The following MED19 variants were observed in gnomAD, a reference collection of about 807,000 sequenced individuals.
MED19 encodes mediator complex subunit 19, also known as mediator of RNA polymerase II transcription subunit 19.
Under a neutral mutation model 19.9 loss-of-function variants are expected in MED19, and 4 were observed. That is an observed-to-expected ratio of 0.20 (90% confidence interval 0.10 to 0.46). The LOEUF (loss-of-function observed/expected upper bound fraction) is 0.46, where lower values mean the gene tolerates loss of function less well. Among genes scored for constraint, MED19 ranks in the 20% least tolerant of loss-of-function variants. The pLI is 0.99. For missense variants in MED19, 303 were observed against 318.7 expected, an observed-to-expected ratio of 0.95 and a Z score of 0.38; for synonymous variants, 139 against 119.6, an observed-to-expected ratio of 1.16 and a Z score of -1.06.
rs34198151 is a variant in MED19, at chr11:57,704,669, G to GTTTTTTTTTTTTTTTTTTTTTTTTTTT, written c.571+49_571+50insAAAAAAAAAAAAAAAAAAAAAAAAAAA. On this transcript the variant is annotated intron_variant, in intron 3 of 4. Coordinates refer to ENST00000431606, the Ensembl canonical transcript of MED19. ...GTTCAAACCAGATTCAGAAGGTCAG[G>GTTTTTTTTTTTTTTTTTTTTTTTTTTT]TTTTTTTTTTTTTTTTTTTTTTTTT... The GTTTTTTTTTTTTTTTTTTTTTTTTTTT allele has an allele frequency of 1.9e-5, 24 of 1,287,744 alleles. 2 individuals carry two copies. The highest frequency in any genetic ancestry group is 8.2e-5 in the African/African-American group (4 of 48,548). The allele number at this position is 1,287,744 out of a possible 1,614,324, so 79.8% of individuals were successfully genotyped here. A position where few individuals can be genotyped will look rare whatever the true frequency, so the allele number is the denominator to read the frequency against.
chr11:57,711,495 A>G lies in MED19; in HGVS notation c.217+468T>C, dbSNP rs575489330. The stretch of plus-strand genomic sequence containing the variant: ...CAGCCTCCCGAGTAGCTGGAATTAA[A>G]GGTATACGCCACCACGCCCAGGTAA... On this transcript the variant is annotated intron_variant, in intron 1 of 4. Transcript: ENST00000431606. Among the ~76,000 whole-genome samples, 6 of 152,288 alleles carry G rather than the reference A, an allele frequency of 3.9e-5. No homozygotes were observed. The East Asian group carries it at 7.7e-4, about 20-fold the overall frequency.
At chr11:57,711,833 A>ATTTAGGG in intron 1 of MED19, 130 bp downstream of exon 1, 1 of 1,026,672 alleles carries the variant, frequency 9.7e-7, no homozygotes, top group Non-Finnish European at 1.3e-6. Flanking sequence ...AGCGCTTCCG[A>ATTTAGGG]CTTAGGGCTC....
chr11:57,708,318 T>A (rs1404547779), intron 1 of MED19, among the ~76,000 whole-genome samples: 2 of 152,156 alleles, frequency 1.3e-5, no homozygotes, highest in Non-Finnish European at 2.9e-5. Flanking sequence ...TGACTGGCAC[T>A]CAAGGCTAAT....
At chr11:57,704,542 C>G (rs1477900656) in intron 3 of MED19, 146 bp from the exon 4 acceptor site, 1 of 1,584,774 alleles carries the variant, frequency 6.3e-7, no homozygotes, top group Non-Finnish European at 8.5e-7. Flanking sequence ...TGCTAGAGTC[C>G]CTGTCCCAAG....
At chr11:57,705,128 T>C (rs143968648) in exon 2 of MED19, 2 of 1,614,188 alleles carry the variant, frequency 1.2e-6, no homozygotes, top group African/African-American at 2.7e-5. Context: ...GGCAGGAAGT[T>C]ACTTAGCTTC....
At chr11:57,704,522 A>G in intron 3 of MED19, 126 bp from the exon 4 acceptor site, 1 of 1,584,256 alleles carries the variant, frequency 6.3e-7, no homozygotes, top group South Asian at 1.2e-5. Flanking sequence ...CAGAAAGGAT[A>G]CAGAGGTGCT....
At chr11:57,711,375 G>C (rs894157625) in intron 1 of MED19, among the ~76,000 whole-genome samples, 18 of 152,122 alleles carry the variant, frequency 1.2e-4, no homozygotes, top group Admixed American at 1.1e-3. Flanking sequence ...TGTTTGTTTT[G>C]AGACGGAGTC....
rs1590878447 is a variant in MED19, at chr11:57,704,967, A to C, written c.474+6T>G. On this transcript the variant is annotated splice_donor_region_variant and intron_variant, in intron 2 of 4. Coordinates refer to ENST00000431606, the Ensembl canonical transcript of MED19. ...CCATTTGCCTTCTTCCTCCAACAGG[A>C]CTCACCGGGCCAGTGTGGAGGCGGA... is the stretch of plus-strand genomic sequence containing the variant. 6.2e-7 allele frequency: 1 copy of C among 1,611,534 alleles called. No individual in the cohort carries two copies. The highest frequency in any genetic ancestry group is 8.5e-7 in the Non-Finnish European group (1 of 1,178,718).
Position 57,704,297 on chromosome 11 carries a change from T to G in MED19, c.666+5A>C. 1 of 1,534,448 alleles carries G rather than the reference T, an allele frequency of 6.5e-7. No individual in the cohort carries two copies. Among genetic ancestry groups the G allele is most frequent in the Non-Finnish European group, 8.7e-7 (1 of 1,146,556 alleles). The stretch of plus-strand genomic sequence containing the variant: ...CTGGGTTGTGGCAATAGGCCTCTAC[T>G]CTACCTTCTTTTTCTTCTTCTCTTT... On this transcript the variant is annotated splice_donor_5th_base_variant and intron_variant, in intron 4 of 4. Transcript: ENST00000431606.
chr11:57,706,914 C>T (rs186088197), intron 1 of MED19, among the ~76,000 whole-genome samples: 8 of 152,054 alleles, frequency 5.3e-5, no homozygotes, highest in African/African-American at 1.7e-4. Context: ...CATAAAGTAT[C>T]AGGCTTGGCA....
chr11:57,706,028 T>C (rs1946504617), intron 1 of MED19, among the ~76,000 whole-genome samples: 1 of 151,750 alleles, frequency 6.6e-6, no homozygotes, highest in Non-Finnish European at 1.5e-5. Context: ...GAAACACTAA[T>C]CACCTTTACA....
chr11:57,709,520 A>G (rs1192412204), intron 1 of MED19, among the ~76,000 whole-genome samples: 2 of 152,186 alleles, frequency 1.3e-5, no homozygotes, highest in Non-Finnish European at 2.9e-5. Context: ...GAAAACTTAA[A>G]AAGGCATCAA....
chr11:57,705,331 A>T, intron 1 of MED19, 102 bp from the exon 2 acceptor site: 1 of 1,301,702 alleles, frequency 7.7e-7, no homozygotes, highest in Non-Finnish European at 1.0e-6. Flanking sequence ...TTAAGTGCAG[A>T]TTTTAAAATT....
exon 2 of MED19, chr11:57,705,207 G>C (rs1204262090): frequency 3.7e-6 from 6 of 1,613,988 alleles, no homozygotes; most frequent in African/African-American, 1.3e-5. Flanking sequence ...TCAGATTCGT[G>C]CTGCCTGTCA....
chr11:57,707,197 C>CAAA (rs754457524), intron 1 of MED19, among the ~76,000 whole-genome samples: 9 of 57,912 alleles, frequency 1.6e-4, no homozygotes, highest in Admixed American at 3.9e-4. Context: ...GATTCCATCT[C>CAAA]AAAAAAAAAA....
At chr11:57,710,046 T>G (rs1355220778) in intron 1 of MED19, among the ~76,000 whole-genome samples, 1 of 152,230 alleles carries the variant, frequency 6.6e-6, no homozygotes, top group Non-Finnish European at 1.5e-5. Flanking sequence ...ACAAGTGCAT[T>G]TGACCAACTT....
At chr11:57,709,503 T>A (rs986348787) in intron 1 of MED19, among the ~76,000 whole-genome samples, 5 of 152,158 alleles carry the variant, frequency 3.3e-5, no homozygotes, top group African/African-American at 1.2e-4. Flanking sequence ...ACCCAATTAT[T>A]CAAGCCGAAA....
intron 1 of MED19, 102 bp downstream of exon 1, chr11:57,711,861 T>C: frequency 7.7e-7 from 1 of 1,292,546 alleles, no homozygotes; most frequent in Non-Finnish European, 1.0e-6. Context: ...CGGGTATGCG[T>C]TGCCTAGGTT....
exon 1 of MED19, chr11:57,712,166 G>A: frequency 6.5e-7 from 1 of 1,527,886 alleles, no homozygotes; most frequent in Non-Finnish European, 8.8e-7. Context: ...AAACAGTGCC[G>A]TGAAATTCTC....
Sources: allele counts gnomAD v4.1 joint callset (sites outside exome capture counted in the v4.1 genomes callset), GRCh38; gene constraint gnomAD v4.1.1; transcripts MANE v1.5; gene names NCBI Gene and HGNC (gene_info 2026-07-23, HGNC 2026-07-21).